FGF14: variants seen among roughly 807,000 people sequenced by gnomAD.
FGF14 encodes fibroblast growth factor 14.
A neutral mutation model predicts 25.5 loss-of-function variants in FGF14; 5 were observed. The ratio of observed to expected loss-of-function variants is 0.20; its 90% CI spans 0.10 to 0.41. The LOEUF (loss-of-function observed/expected upper bound fraction) is 0.41, where lower values mean the gene tolerates loss of function less well. Among genes scored for constraint, FGF14 ranks in the 10% least tolerant of loss-of-function variants. The probability of loss-of-function intolerance (pLI) is 1.00; values close to 1 mark genes in which losing one functional copy is unlikely to be tolerated. For missense variants in FGF14, 222 were observed against 320.1 expected, an observed-to-expected ratio of 0.69 and a Z score of 2.34; for synonymous variants, 138 against 118.3, an observed-to-expected ratio of 1.17 and a Z score of -1.08.
intron 3 of FGF14, among the ~76,000 whole-genome samples, chr13:101,756,048 A>G (rs1566860727): frequency 6.6e-6 from 1 of 152,206 alleles, no homozygotes; most frequent in Non-Finnish European, 1.5e-5. Context: ...CCATTGTTAC[A>G]GATACTATTT....
intron 1 of FGF14, among the ~76,000 whole-genome samples, chr13:102,080,556 T>C (rs1302615630): frequency 6.6e-6 from 1 of 152,242 alleles, no homozygotes; most frequent in African/African-American, 2.4e-5. Flanking sequence ...CTTGATTCTC[T>C]ACCCATCTTC....
intron 1 of FGF14, among the ~76,000 whole-genome samples, chr13:102,025,556 G>GT (rs1381894221): frequency 6.6e-6 from 1 of 151,842 alleles, no homozygotes; most frequent in Non-Finnish European, 1.5e-5. Context: ...CTACAGGTGT[G>GT]TGCCACCATG....
intron 1 of FGF14, among the ~76,000 whole-genome samples, chr13:102,365,672 C>T (rs1336429189): frequency 1.3e-5 from 2 of 152,148 alleles, no homozygotes; most frequent in Non-Finnish European, 2.9e-5. Flanking sequence ...TTGCTAAGGT[C>T]CTCATGTCTG....
chr13:101,984,982 C>A (rs987195298), intron 1 of FGF14, among the ~76,000 whole-genome samples: 3 of 151,602 alleles, frequency 2.0e-5, no homozygotes, highest in African/African-American at 7.3e-5. Context: ...TTAGGAAAGA[C>A]AAGCACCTAA....
chr13:102,065,205 A>ATT (rs2042852127), intron 1 of FGF14, among the ~76,000 whole-genome samples: 1 of 152,086 alleles, frequency 6.6e-6, no homozygotes, highest in African/African-American at 2.4e-5. Flanking sequence ...TCTAGAAGTA[A>ATT]CCATAATGGA....
chr13:101,794,767 G>A (rs2040426897), intron 3 of FGF14, among the ~76,000 whole-genome samples: 2 of 152,066 alleles, frequency 1.3e-5, no homozygotes, highest in African/African-American at 4.8e-5. Flanking sequence ...GTTGGCAAAT[G>A]CAAAACAATA....
At chr13:102,114,621 T>C (rs1403947929) in intron 1 of FGF14, among the ~76,000 whole-genome samples, 1 of 152,180 alleles carries the variant, frequency 6.6e-6, no homozygotes, top group African/African-American at 2.4e-5. Flanking sequence ...GGATAAAGTG[T>C]GGTGCACATA....
chr13:101,773,666 G>T (rs1308715889), intron 3 of FGF14, among the ~76,000 whole-genome samples: 1 of 151,782 alleles, frequency 6.6e-6, no homozygotes, highest in Non-Finnish European at 1.5e-5. Context: ...TACATCTTAA[G>T]AAGAGCTTGT....
At chr13:101,789,396 C>T (rs1056057372) in intron 3 of FGF14, among the ~76,000 whole-genome samples, 4 of 152,132 alleles carry the variant, frequency 2.6e-5, no homozygotes, top group Non-Finnish European at 5.9e-5. Flanking sequence ...AGTTTCTGAT[C>T]TCCAGGTTAG....
chr13:101,783,021 A>C (rs982009470), intron 3 of FGF14, among the ~76,000 whole-genome samples: 1 of 152,158 alleles, frequency 6.6e-6, no homozygotes, highest in Admixed American at 6.5e-5. Context: ...CTTTTTCTCC[A>C]CAACCTTGCC....
intron 1 of FGF14, among the ~76,000 whole-genome samples, chr13:102,221,229 A>G (rs1313584533): frequency 6.6e-6 from 1 of 152,192 alleles, no homozygotes. Flanking sequence ...ACTCTTATCA[A>G]AAGAGAACTA....
chr13:101,882,628 G>A (rs1054426300), intron 1 of FGF14, among the ~76,000 whole-genome samples: 1 of 151,928 alleles, frequency 6.6e-6, no homozygotes, highest in African/African-American at 2.4e-5. Flanking sequence ...TAAGCAGTGG[G>A]TGAATTTAAG....
At chr13:102,077,808 T>C (rs1489480248) in intron 1 of FGF14, among the ~76,000 whole-genome samples, 4 of 152,134 alleles carry the variant, frequency 2.6e-5, no homozygotes, top group Non-Finnish European at 5.9e-5. Context: ...GGAAATTAAA[T>C]CACTATGTCA....
intron 1 of FGF14, among the ~76,000 whole-genome samples, chr13:102,311,505 C>G (rs2055765778): frequency 6.6e-6 from 1 of 152,134 alleles, no homozygotes; most frequent in South Asian, 2.1e-4. Flanking sequence ...TAAAAGTCAC[C>G]TCATGCATTT....
chr13:102,129,274 G>A lies in FGF14; in HGVS notation c.209-253978C>T, dbSNP rs573493712. On this transcript the variant is annotated intron_variant, in intron 1 of 4. Transcript: ENST00000376131. ...CAAAAAAAAGAAAGAAAGAAAGAAA[G>A]AAATTAAAACTTCCCTTTAAGGATT... is the stretch of plus-strand genomic sequence containing the variant. 2.0e-4 allele frequency among the ~76,000 whole-genome samples: 30 copies of A among 151,772 alleles called. 3 individuals are homozygous for A. The South Asian group carries it at 5.8e-3, about 29-fold the overall frequency.
chr13:102,320,522 T>G, intron 1 of FGF14, among the ~76,000 whole-genome samples: 1 of 152,154 alleles, frequency 6.6e-6, no homozygotes, highest in East Asian at 1.9e-4. Context: ...AATTTCCTCT[T>G]CAGTGTTCTT....
At chr13:101,929,059 C>T (rs1272897160) in intron 1 of FGF14, among the ~76,000 whole-genome samples, 1 of 152,196 alleles carries the variant, frequency 6.6e-6, no homozygotes, top group Non-Finnish European at 1.5e-5. Flanking sequence ...TAATTCATTA[C>T]ATTAATGCGT....
rs1177311385 is a variant in FGF14, at chr13:102,292,135, T to G, written c.208+109336A>C. ...TTTGTTTTTCTGGCTTGCATTTCAT[T>G]ATTTAACATAAACCAGGAGTCAGTA... On this transcript the variant is annotated intron_variant, in intron 1 of 4. Transcript: ENST00000376131. Among the ~76,000 whole-genome samples the G allele has an allele frequency of 2.0e-5, 3 of 152,014 alleles. No individual in the cohort carries two copies. In the South Asian group the frequency reaches 6.2e-4, roughly 32 times the overall value.
chr13:101,832,294 GAACA>G (rs2042708923), intron 3 of FGF14, among the ~76,000 whole-genome samples: 1 of 152,130 alleles, frequency 6.6e-6, no homozygotes, highest in South Asian at 2.1e-4. Flanking sequence ...AGCTTGATTT[GAACA>G]GACTGAAACT....
Sources: allele counts gnomAD v4.1 joint callset (sites outside exome capture counted in the v4.1 genomes callset), GRCh38; gene constraint gnomAD v4.1.1; transcripts MANE v1.5; gene names NCBI Gene and HGNC (gene_info 2026-07-23, HGNC 2026-07-21).